The following NCOR2 variants were observed in gnomAD, a reference collection of about 807,000 sequenced individuals.
NCOR2 encodes nuclear receptor corepressor 2.
A neutral mutation model predicts 262.9 loss-of-function variants in NCOR2; 81 were observed. The observed-to-expected ratio is 0.31, with a 90% CI of 0.26 to 0.37. The LOEUF (loss-of-function observed/expected upper bound fraction) is 0.37, where lower values mean the gene tolerates loss of function less well. NCOR2 is among the 10% of genes least tolerant of loss of function. The probability of loss-of-function intolerance (pLI) is 1.00; values close to 1 mark genes in which losing one functional copy is unlikely to be tolerated. For synonymous variants in NCOR2, 1,659 were observed against 1,559.3 expected, an observed-to-expected ratio of 1.06 and a Z score of -1.51; for missense variants, 3,385 against 3,621.4, an observed-to-expected ratio of 0.93 and a Z score of 1.68.
chr12:124,477,358 C>A (rs1008710735), intron 3 of NCOR2, among the ~76,000 whole-genome samples: 2 of 152,208 alleles, frequency 1.3e-5, no homozygotes, highest in African/African-American at 2.4e-5. Flanking sequence ...CCTTCCACCA[C>A]GACTGTGAGT....
At chr12:124,429,568 TGCCAGGGAAAAGGAGCTGAG>T in intron 10 of NCOR2, 25 bp downstream of exon 12, 1 of 1,549,144 alleles carries the variant, frequency 6.5e-7, no homozygotes. Flanking sequence ...TCACGGGGGA[TGCCAGGGAAAAGGAGCTGAG>T]GCCAGAGTCA....
intron 20 of NCOR2, among the ~76,000 whole-genome samples, chr12:124,367,521 G>A (rs982442827): frequency 5.3e-5 from 8 of 152,270 alleles, no homozygotes; most frequent in African/African-American, 1.7e-4. Context: ...AGAGCTCAGG[G>A]CCCATCTGAC....
At chr12:124,428,788 A>G (rs566592139) in intron 10 of NCOR2, among the ~76,000 whole-genome samples, 1 of 152,270 alleles carries the variant, frequency 6.6e-6, no homozygotes, top group South Asian at 2.1e-4. Flanking sequence ...GTGCTGAGCT[A>G]AAGGGCTATA....
intron 1 of NCOR2, among the ~76,000 whole-genome samples, chr12:124,506,171 T>A (rs941463576): frequency 6.6e-6 from 1 of 152,100 alleles, no homozygotes; most frequent in East Asian, 1.9e-4. Flanking sequence ...ACGCTCCAGT[T>A]CCATTCACCA....
chr12:124,508,351 C>A (rs2049166504), intron 1 of NCOR2, among the ~76,000 whole-genome samples: 1 of 152,238 alleles, frequency 6.6e-6, no homozygotes, highest in Non-Finnish European at 1.5e-5. Context: ...TCCTATGGCC[C>A]CTGCAGCCAG....
chr12:124,333,053 C>T, intron 42 of NCOR2, 77 bp downstream of exon 44: 2 of 1,505,370 alleles, frequency 1.3e-6, no homozygotes, highest in Admixed American at 2.1e-5. Context: ...CCACATGGCA[C>T]CACGGTGGAC....
At position 124,506,192 on chromosome 12, in the gene NCOR2, G is replaced by A. The variant is rs76671615; in HGVS notation, c.-117-10824C>T. ...CAGTTCCATTCACCAAACACAATTC[G>A]CCCCACTGAACAGATCAGAAAACTG... is the stretch of plus-strand genomic sequence containing the variant. On this transcript the variant is annotated intron_variant, in intron 1 of 46. Transcript: ENST00000404621. 4.6e-3 allele frequency among the ~76,000 whole-genome samples: 702 copies of A among 152,156 alleles called. 5 individuals carry two copies. Among genetic ancestry groups the A allele is most frequent in the African/African-American group, 0.016 (657 of 41,488 alleles).
rs563321806 is a variant in NCOR2, at chr12:124,427,721, C to T, written c.1150-921G>A. Among the ~76,000 whole-genome samples the T allele has an allele frequency of 1.7e-3, 265 of 152,314 alleles. 3 individuals carry two copies. The highest frequency in any genetic ancestry group is 2.9e-3 in the South Asian group (14 of 4,820). ...CCCCTACACCCCTGATACGGAACGGCGACCTTCCTCGGGTATCCCAGGGAT... is the reference window on the plus strand; with the variant it reads ...CCCCTACACCCCTGATACGGAACGGTGACCTTCCTCGGGTATCCCAGGGAT... On this transcript the variant is annotated intron_variant, in intron 10 of 46. Coordinates refer to ENST00000405201, the Ensembl canonical transcript of NCOR2.
chr12:124,371,340 C>T (rs1032635028), intron 20 of NCOR2, among the ~76,000 whole-genome samples: 1 of 152,180 alleles, frequency 6.6e-6, no homozygotes, highest in African/African-American at 2.4e-5. Context: ...TGTGTCCCCC[C>T]AGAGAAGGTA....
chr12:124,374,885 C>T (rs1250945845), intron 18 of NCOR2, among the ~76,000 whole-genome samples: 2 of 152,222 alleles, frequency 1.3e-5, no homozygotes, highest in Non-Finnish European at 2.9e-5. Context: ...CTGCTGGGGC[C>T]TCTTCAGCCT....
intron 1 of NCOR2, among the ~76,000 whole-genome samples, chr12:124,555,034 T>C (rs2051838193): frequency 6.6e-6 from 1 of 152,180 alleles, no homozygotes. Context: ...AAGCACACAA[T>C]GGGCCCTGCC....
intron 11 of NCOR2, 41 bp downstream of exon 13, chr12:124,426,581 G>A: frequency 2.0e-6 from 3 of 1,528,996 alleles, no homozygotes; most frequent in Non-Finnish European, 2.7e-6. Flanking sequence ...CAGGATGGGG[G>A]TGGGGGGCCG....
At chr12:124,387,942 A>G (rs990506574) in intron 16 of NCOR2, among the ~76,000 whole-genome samples, 3 of 152,076 alleles carry the variant, frequency 2.0e-5, no homozygotes, top group African/African-American at 7.2e-5. Context: ...AGGGTGGCCC[A>G]ACAACACTGG....
At chr12:124,338,823 A>G (rs2036122329) in intron 37 of NCOR2, among the ~76,000 whole-genome samples, 1 of 152,048 alleles carries the variant, frequency 6.6e-6, no homozygotes, top group African/African-American at 2.4e-5. Flanking sequence ...CTCATCGTCC[A>G]TCCACTGGGG....
At position 124,333,135 on chromosome 12, in the gene NCOR2, C is replaced by T. The variant is rs1337517530; in HGVS notation, c.6750G>A (p.Glu2250=). ...GCATGTGCCCACAGAAGTACCTGGG[C>T]TCCGTCTGTTCCCCATCCCGGTACA... The change falls in exon 42 of 47, where the codon GAG becomes GAA. Residue 2250 remains glutamate (E), a synonymous_variant. Transcript: ENST00000405201. 4 of 1,604,694 alleles carry T rather than the reference C, an allele frequency of 2.5e-6. No individual in the cohort carries two copies. The South Asian group carries it at 3.3e-5, about 13-fold the overall frequency.
At position 124,430,183 on chromosome 12, in the gene NCOR2, A is replaced by G. The variant is rs374680281; in HGVS notation, c.1055+432T>C. ...ATCGCCTTATCTGTGCATCCAAAGA[A>G]AAATGGCCATAGAACCACAGCTGCC... On this transcript the variant is annotated intron_variant, in intron 9 of 46. Coordinates refer to ENST00000405201, the Ensembl canonical transcript of NCOR2. Among the ~76,000 whole-genome samples the G allele has an allele frequency of 9.2e-5, 14 of 152,292 alleles. 1 individual carries two copies. Among genetic ancestry groups the G allele is most frequent in the East Asian group, 7.7e-4 (4 of 5,178 alleles).
intron 2 of NCOR2, among the ~76,000 whole-genome samples, chr12:124,484,776 G>A (rs561399770): frequency 2.0e-5 from 3 of 152,240 alleles, no homozygotes; most frequent in East Asian, 1.9e-4. Context: ...GCCCTCCCAC[G>A]CGCTTGGTGA....
intron 18 of NCOR2, among the ~76,000 whole-genome samples, chr12:124,377,835 T>A (rs1165647391): frequency 6.7e-6 from 1 of 148,874 alleles, no homozygotes. Flanking sequence ...CAAGACTCCG[T>A]CTGAAAAAAA....
At chr12:124,413,749 G>C (rs1039367369) in intron 13 of NCOR2, among the ~76,000 whole-genome samples, 18 of 152,142 alleles carry the variant, frequency 1.2e-4, no homozygotes, top group African/African-American at 3.6e-4. Context: ...ATGGGGAGGA[G>C]AGACAAGGCG....
Sources: allele counts gnomAD v4.1 joint callset (sites outside exome capture counted in the v4.1 genomes callset), GRCh38; gene constraint gnomAD v4.1.1; transcripts MANE v1.5; gene names NCBI Gene and HGNC (gene_info 2026-07-23, HGNC 2026-07-21).